Variants in RXFP1 observed in about 807,000 individuals in gnomAD.
RXFP1 encodes the protein relaxin family peptide receptor 1.
RXFP1 carries 73 observed loss-of-function variants against 89.8 expected under a neutral mutation model. The ratio of observed to expected loss-of-function variants is 0.81; its 90% CI spans 0.67 to 0.99. RXFP1 has a LOEUF of 0.99. Among genes scored for constraint, RXFP1 ranks in the 50% least tolerant of loss-of-function variants. RXFP1 has a pLI of 0.00. For missense variants in RXFP1, 793 were observed against 895.5 expected (o/e 0.89, Z 1.46); for synonymous variants, 277 against 305.5 (o/e 0.91, Z 0.97).
At position 158,617,156 on chromosome 4, in the gene RXFP1, C is replaced by T. The variant is rs751003500; in HGVS notation, c.706C>T (p.Arg236Cys). The change falls in exon 9 of 18, where the codon CGT (arginine) becomes TGT (cysteine). Residue 236 changes from arginine to cysteine, a missense_variant. Arg to Cys is a radical substitution (Grantham distance 180, BLOSUM62 -3). Transcript: ENST00000307765. The part of the protein sequence containing the change: ...LLVLMNNVLT[R>C]LPDKPLCQHM... Reference sequence around the variant, plus strand: ...AGTCCTGATGAATAACGTCCTCACCCGTTTACCTGATAAACCTCTCTGTCA... The same window carrying T: ...AGTCCTGATGAATAACGTCCTCACCTGTTTACCTGATAAACCTCTCTGTCA... 5.6e-6 allele frequency: 9 copies of T among 1,609,426 alleles called. No homozygotes were observed. Among genetic ancestry groups the T allele is most frequent in the Middle Eastern group, 1.6e-4 (1 of 6,074 alleles).
chr4:158,607,003 C>T (rs1762648195), intron 5 of RXFP1: 1 of 1,353,980 alleles, frequency 7.4e-7, no homozygotes, highest in Non-Finnish European at 1.0e-6. Flanking sequence ...TGATTTCTTT[C>T]TTATTGCTCC....
chr4:158,564,287 G>A (rs1029316510), intron 1 of RXFP1, among the ~76,000 whole-genome samples: 2 of 152,158 alleles, frequency 1.3e-5, no homozygotes, highest in African/African-American at 4.8e-5. Context: ...GGGTACAGGG[G>A]TGGGGGACAT....
chr4:158,532,349 A>C (rs1744268198), intron 1 of RXFP1, among the ~76,000 whole-genome samples: 1 of 151,964 alleles, frequency 6.6e-6, no homozygotes, highest in Non-Finnish European at 1.5e-5. Flanking sequence ...ATCTAGATGG[A>C]TTCCATGTCT....
At chr4:158,623,467 A>T (rs1349161212) in intron 9 of RXFP1, among the ~76,000 whole-genome samples, 4 of 134,470 alleles carry the variant, frequency 3.0e-5, no homozygotes, top group African/African-American at 1.1e-4. Context: ...GTGCCATTGC[A>T]CTCCAGCCTG....
intron 2 of RXFP1, among the ~76,000 whole-genome samples, chr4:158,587,621 A>G (rs897258312): frequency 1.8e-4 from 28 of 152,246 alleles, no homozygotes; most frequent in African/African-American, 6.8e-4. Context: ...TGTAAACATT[A>G]CATAAATTCT....
intron 1 of RXFP1, among the ~76,000 whole-genome samples, chr4:158,544,883 T>C (rs1304086777): frequency 6.6e-6 from 1 of 152,220 alleles, no homozygotes; most frequent in Admixed American, 6.5e-5. Context: ...GTCCTTGCTA[T>C]TGTGAATAGT....
chr4:158,614,732 G>A (rs1456579413), intron 8 of RXFP1, among the ~76,000 whole-genome samples: 2 of 152,036 alleles, frequency 1.3e-5, no homozygotes. Context: ...TCATTTGTGT[G>A]TTCATTGGAG....
chr4:158,539,588 AG>A (rs1746109485), intron 1 of RXFP1, among the ~76,000 whole-genome samples: 1 of 152,226 alleles, frequency 6.6e-6, no homozygotes, highest in South Asian at 2.1e-4. Context: ...TTATAATAAA[AG>A]AAAAAAGGCA....
intron 3 of RXFP1, among the ~76,000 whole-genome samples, chr4:158,594,045 A>G (rs1760056846): frequency 6.6e-6 from 1 of 152,222 alleles, no homozygotes; most frequent in South Asian, 2.1e-4. Flanking sequence ...GATATATGAA[A>G]ATAACTCCTC....
At position 158,646,912 on chromosome 4, in the gene RXFP1, A is replaced by G; in HGVS notation, c.1467A>G (p.Gly489=). 6.2e-7 allele frequency: 1 copy of G among 1,614,166 alleles called. No homozygotes were observed. The highest frequency in any genetic ancestry group is 8.5e-7 in the Non-Finnish European group (1 of 1,180,028). ...WMESTHCQLV[G]SLAILSTEVS... ...AGAGTACTCATTGTCAGCTTGTAGG[A>G]TCTTTGGCCATTCTGTCCACAGAAG... The change falls in exon 16 of 18, where the codon GGA becomes GGG. Residue 489 remains glycine (G), a synonymous_variant. Transcript: ENST00000307765.
At chr4:158,614,386 A>C (rs909954249) in intron 8 of RXFP1, among the ~76,000 whole-genome samples, 1 of 152,228 alleles carries the variant, frequency 6.6e-6, no homozygotes. Context: ...TTTCATCTAC[A>C]TTGAAAATCT....
chr4:158,554,475 C>G (rs1178317137), intron 1 of RXFP1, among the ~76,000 whole-genome samples: 2 of 152,080 alleles, frequency 1.3e-5, no homozygotes, highest in Non-Finnish European at 2.9e-5. Flanking sequence ...TTATCTTATA[C>G]AAATAAAAGC....
intron 4 of RXFP1, among the ~76,000 whole-genome samples, chr4:158,603,646 C>T (rs1762076120): frequency 6.6e-6 from 1 of 151,786 alleles, no homozygotes; most frequent in African/African-American, 2.4e-5. Flanking sequence ...AATCCCAGCA[C>T]TTTCGGAGGC....
chr4:158,565,655 T>C (rs1381448353), intron 1 of RXFP1, among the ~76,000 whole-genome samples: 1 of 152,142 alleles, frequency 6.6e-6, no homozygotes, highest in African/African-American at 2.4e-5. Flanking sequence ...ACTGGTCCAA[T>C]TTGAGACAAC....
chr4:158,577,574 T>C (rs777674429), intron 2 of RXFP1, among the ~76,000 whole-genome samples: 38 of 152,110 alleles, frequency 2.5e-4, no homozygotes, highest in Non-Finnish European at 5.1e-4. Flanking sequence ...ATGAAAGAGT[T>C]TTTTCTTAAT....
rs759489582 is a variant in RXFP1, at chr4:158,572,798, G to A, written c.150G>A (p.Val50=). 5 of 1,614,202 alleles carry A rather than the reference G, an allele frequency of 3.1e-6. No homozygotes were observed. The highest frequency in any genetic ancestry group is 3.3e-5 in the Admixed American group (2 of 60,028). The change falls in exon 2 of 18, where the codon GTG becomes GTA. Residue 50 remains valine, a synonymous_variant. Transcript: ENST00000307765. The part of the protein sequence containing the change: ...CLPQLLHCNG[V]DDCGNQADED... ...CTCAGCTCCTGCACTGTAACGGTGTGGACGACTGCGGGAATCAGGCCGATG... is the reference window on the plus strand; with the variant it reads ...CTCAGCTCCTGCACTGTAACGGTGTAGACGACTGCGGGAATCAGGCCGATG...
At chr4:158,565,654 A>G (rs770874723) in intron 1 of RXFP1, among the ~76,000 whole-genome samples, 1 of 152,192 alleles carries the variant, frequency 6.6e-6, no homozygotes, top group Non-Finnish European at 1.5e-5. Flanking sequence ...TACTGGTCCA[A>G]TTTGAGACAA....
At chr4:158,632,812 A>T (rs1768343414) in intron 11 of RXFP1, among the ~76,000 whole-genome samples, 2 of 152,332 alleles carry the variant, frequency 1.3e-5, no homozygotes, top group African/African-American at 4.8e-5. Context: ...TAACACACAA[A>T]AAAAGAGAAC....
chr4:158,579,188 C>T (rs374583734), intron 2 of RXFP1, among the ~76,000 whole-genome samples: 1 of 151,856 alleles, frequency 6.6e-6, no homozygotes, highest in African/African-American at 2.4e-5. Context: ...CCCCCTAAAC[C>T]TTCTGAGACG....
Sources: gnomAD v4.1 joint callset for allele counts (sites outside exome capture counted in the v4.1 genomes callset) on GRCh38, gnomAD v4.1.1 for gene constraint, MANE v1.5 for transcripts, NCBI Gene and HGNC (gene_info 2026-07-23, HGNC 2026-07-21) for gene names.